The following FAM124A variants were observed in gnomAD, a reference collection of about 807,000 sequenced individuals.
FAM124A encodes the protein family with sequence similarity 124 member A, also known as protein FAM124A.
A neutral mutation model predicts 24.5 loss-of-function variants in FAM124A; 23 were observed. The ratio of observed to expected loss-of-function variants is 0.94; its 90% confidence interval spans 0.68 to 1.33. The LOEUF (loss-of-function observed/expected upper bound fraction) is 1.33. FAM124A is among the 40% of genes most tolerant of loss of function. The pLI, the probability that FAM124A is intolerant of heterozygous loss-of-function variation, is 0.00. For synonymous variants in FAM124A, 287 were observed against 314.7 expected (o/e 0.91, Z 0.93); for missense variants, 623 against 722.8 (o/e 0.86, Z 1.58).
At chr13:51,241,260 G>A (rs1257196856) in intron 2 of FAM124A, among the ~76,000 whole-genome samples, 1 of 152,228 alleles carries the variant, frequency 6.6e-6, no homozygotes, top group Non-Finnish European at 1.5e-5. Flanking sequence ...AAAACTGTGG[G>A]AAAGGGAAAC....
chr13:51,245,354 A>G (rs910678182), intron 2 of FAM124A: 1 of 699,236 alleles, frequency 1.4e-6, no homozygotes, highest in African/African-American at 1.8e-5. Context: ...CTGTTCCTTT[A>G]CTGTACACAC....
At chr13:51,242,228 T>C (rs1954504564) in intron 2 of FAM124A, among the ~76,000 whole-genome samples, 1 of 152,238 alleles carries the variant, frequency 6.6e-6, no homozygotes, top group Non-Finnish European at 1.5e-5. Flanking sequence ...AGGATGACTT[T>C]GCTGCAAATG....
chr13:51,222,537 C>T lies in FAM124A; in HGVS notation c.36C>T (p.Asp12=). 1 of 1,226,924 alleles carries T rather than the reference C, an allele frequency of 8.2e-7. No individual in the cohort carries two copies. The allele number at this position is 1,226,924 out of a possible 1,614,324, so 76.0% of individuals were successfully genotyped here. ...DPKAGGGGEE[D]DCVDSGAETG... is the part of the protein sequence containing the mutation. The stretch of plus-strand genomic sequence containing the variant: ...AGGCGGGCGGCGGCGGCGAGGAGGA[C>T]GACTGCGTGGACTCGGGCGCCGAGA... The change falls in exon 1 of 4, where the codon GAC becomes GAT. Residue 12 remains aspartate (D), a synonymous_variant. Transcript: ENST00000322475.
chr13:51,238,150 G>T (rs952435375), intron 2 of FAM124A, among the ~76,000 whole-genome samples: 7 of 152,206 alleles, frequency 4.6e-5, no homozygotes, highest in Admixed American at 4.6e-4. Flanking sequence ...AGCTGTTGTG[G>T]GTCAGGGCAT....
chr13:51,268,581 GT>G (rs1296749263), intron 3 of FAM124A, among the ~76,000 whole-genome samples: 1 of 152,152 alleles, frequency 6.6e-6, no homozygotes, highest in Non-Finnish European at 1.5e-5. Flanking sequence ...CAGGATCAGG[GT>G]CCTGTAGCAT....
chr13:51,225,976 CTTTTTTTTTTTTTTTTT>C (rs780570797), intron 1 of FAM124A, among the ~76,000 whole-genome samples: 22 of 67,582 alleles, frequency 3.3e-4, no homozygotes, highest in Middle Eastern at 0.015. Flanking sequence ...TGCTTGCTTT[CTTTTTTTTTTTTTTTTT>C]TTTTTTTTTT....
chr13:51,241,202 C>T (rs1226752121), intron 2 of FAM124A, among the ~76,000 whole-genome samples: 3 of 152,220 alleles, frequency 2.0e-5, no homozygotes, highest in Non-Finnish European at 4.4e-5. Flanking sequence ...CTCCCTGAAG[C>T]AGTGAACAGC....
At chr13:51,247,389 G>T (rs1264730786) in intron 2 of FAM124A, among the ~76,000 whole-genome samples, 1 of 152,196 alleles carries the variant, frequency 6.6e-6, no homozygotes, top group African/African-American at 2.4e-5. Flanking sequence ...CAATTTCCTG[G>T]TTTCTAAAAT....
chr13:51,224,812 A>C (rs1292871965), intron 1 of FAM124A, among the ~76,000 whole-genome samples: 4 of 152,188 alleles, frequency 2.6e-5, no homozygotes, highest in Non-Finnish European at 5.9e-5. Flanking sequence ...CGTGGCCTAT[A>C]TGCCCTGACT....
chr13:51,235,804 C>A (rs1018450672), intron 2 of FAM124A, among the ~76,000 whole-genome samples: 3 of 152,188 alleles, frequency 2.0e-5, no homozygotes, highest in South Asian at 4.1e-4. Context: ...CTTCTCCTAG[C>A]CCCTTGACAG....
intron 3 of FAM124A, among the ~76,000 whole-genome samples, chr13:51,273,431 T>C (rs1437123903): frequency 6.6e-6 from 1 of 152,218 alleles, no homozygotes; most frequent in Non-Finnish European, 1.5e-5. Context: ...CAGATAGATA[T>C]GCATGCATGT....
chr13:51,279,608 G>A (rs1380188612), intron 3 of FAM124A, among the ~76,000 whole-genome samples: 1 of 152,166 alleles, frequency 6.6e-6, no homozygotes, highest in Non-Finnish European at 1.5e-5. Context: ...CGCATTGGAA[G>A]AGAGGTCTCC....
intron 3 of FAM124A, among the ~76,000 whole-genome samples, chr13:51,270,011 G>T (rs1954824493): frequency 6.6e-6 from 1 of 152,098 alleles, no homozygotes; most frequent in African/African-American, 2.4e-5. Flanking sequence ...ACAGTTCTGG[G>T]GGCCAGTTCT....
At chr13:51,275,495 T>C (rs1954878424) in intron 3 of FAM124A, among the ~76,000 whole-genome samples, 1 of 152,182 alleles carries the variant, frequency 6.6e-6, no homozygotes, top group Admixed American at 6.5e-5. Flanking sequence ...AACAAAAAGG[T>C]AAGCCACAAA....
chr13:51,256,914 C>T (rs1020713959), intron 3 of FAM124A, among the ~76,000 whole-genome samples: 1 of 152,150 alleles, frequency 6.6e-6, no homozygotes, highest in African/African-American at 2.4e-5. Context: ...ACTATAAGTA[C>T]CTCATATAAG....
chr13:51,258,914 T>A lies in FAM124A; in HGVS notation c.834+6713T>A, dbSNP rs1037298414. On this transcript the variant is annotated intron_variant, in intron 3 of 3. Transcript: ENST00000322475. The surrounding 1 kb of genome is among the most constrained non-coding windows in gnomAD (Gnocchi z 4.2). ...AGAAGAACCTATGCCTGAGCAGAGCTGGGGCAGATGCTGTTCCGGGGGCAC... is the reference window on the plus strand; with the variant it reads ...AGAAGAACCTATGCCTGAGCAGAGCAGGGGCAGATGCTGTTCCGGGGGCAC... 5.3e-5 allele frequency among the ~76,000 whole-genome samples: 8 copies of A among 152,160 alleles called. No homozygotes were observed. Among genetic ancestry groups the A allele is most frequent in the African/African-American group, 1.9e-4 (8 of 41,428 alleles).
rs754104657 is a variant in FAM124A, at chr13:51,231,473, G to C, written c.100+94G>C. On this transcript the variant is annotated intron_variant, in intron 2 of 3. Transcript: ENST00000322475. Reference sequence around the variant, plus strand: ...ATGTGTGTACATGGTTTTATAGTAGGTAAGAATCACCAAAGCATCTTTGCC... The same window carrying C: ...ATGTGTGTACATGGTTTTATAGTAGCTAAGAATCACCAAAGCATCTTTGCC... 2.1e-4 allele frequency: 275 copies of C among 1,321,580 alleles called. 2 individuals carry two copies. Among genetic ancestry groups the C allele is most frequent in the Non-Finnish European group, 5.2e-5 (50 of 960,124 alleles). The allele number at this position is 1,321,580 out of a possible 1,614,324, so 81.9% of individuals were successfully genotyped here.
chr13:51,268,163 C>A (rs1464586589), intron 3 of FAM124A, among the ~76,000 whole-genome samples: 1 of 152,232 alleles, frequency 6.6e-6, no homozygotes, highest in Non-Finnish European at 1.5e-5. Context: ...TGGACATCTC[C>A]CCAGTTCATT....
rs1213187771 is a variant in FAM124A, at chr13:51,280,769, C to G, written c.1154C>G (p.Thr385Arg). 2 of 1,614,116 alleles carry G rather than the reference C, an allele frequency of 1.2e-6. No individual in the cohort carries two copies. Among genetic ancestry groups the G allele is most frequent in the African/African-American group, 1.3e-5 (1 of 74,940 alleles). Residue 385 changes from threonine (T) to arginine (R), a missense_variant, in exon 4 of 4, where the codon ACA (threonine) becomes AGA (arginine). Physicochemically the swap from Thr to Arg is moderately conservative, Grantham distance 71 (BLOSUM62 -1). Transcript: ENST00000322475. ...GCTGAACCACAGTGGTTTTCAAACA[C>G]AGGTGCCCCAGGGCACAGGGCATCA... ...SSAEPQWFSN[T>R]GAPGHRASEW...
Sources: gnomAD v4.1 joint callset for allele counts (sites outside exome capture counted in the v4.1 genomes callset) on GRCh38, gnomAD v4.1.1 for gene constraint, Gnocchi (gnomAD v3.1) non-coding constraint, MANE v1.5 for transcripts, NCBI Gene and HGNC (gene_info 2026-07-23, HGNC 2026-07-21) for gene names.